The following MCPH1 variants were observed in gnomAD, a reference collection of about 807,000 sequenced individuals.
MCPH1 encodes the protein microcephalin 1.
MCPH1 carries 104 observed loss-of-function variants against 84.5 expected under a neutral mutation model. The observed-to-expected ratio is 1.23, with a 90% CI of 1.05 to 1.45. The LOEUF (loss-of-function observed/expected upper bound fraction) is 1.45. Ranked by LOEUF, MCPH1 falls within the 40% of genes most tolerant of loss-of-function variation. The pLI, the probability that MCPH1 is intolerant of heterozygous loss-of-function variation, is 0.00. For missense variants in MCPH1, 1,498 were observed against 1,005.7 expected (o/e 1.49, Z -6.62); for synonymous variants, 514 against 366.8 (o/e 1.40, Z -4.58).
intron 11 of MCPH1, among the ~76,000 whole-genome samples, chr8:6,481,854 C>G (rs949767684): frequency 6.6e-6 from 1 of 152,200 alleles, no homozygotes; most frequent in African/African-American, 2.4e-5. Context: ...TAGTGCCCCT[C>G]TCATCCAGGG....
In MCPH1 at chr8:6,647,994, T is replaced by C. The variant is rs981171759; in HGVS notation, c.*4945T>C. 6.6e-6 allele frequency: 1 copy of C among 152,206 alleles called. No individual in the cohort carries two copies. The highest frequency in any genetic ancestry group is 2.4e-5 in the African/African-American group (1 of 41,446). 9.4% of individuals were successfully genotyped at this position (152,206 alleles called of 1,614,324 possible). On this transcript the variant is annotated 3_prime_UTR_variant, in exon 14 of 14. Transcript: ENST00000344683. ...AGGGCAATAGCTCTCAGATCTCCCT[T>C]AGAGAAAGAACTTTCTCTTCCACAG...
rs1798107829 is a variant in MCPH1 at position 6,644,308 on chromosome 8, A to G, written c.*1259A>G. 6.6e-6 allele frequency: 1 copy of G among 152,112 alleles called. No individual in the cohort carries two copies. Among genetic ancestry groups the G allele is most frequent in the Admixed American group, 6.5e-5 (1 of 15,274 alleles). 9.4% of individuals were successfully genotyped at this position (152,112 alleles called of 1,614,324 possible). On this transcript the variant is annotated 3_prime_UTR_variant, in exon 14 of 14. Transcript: ENST00000344683. ...AATAAGAAACACTGATGTGTCTGTC[A>G]CCTTCTAAAGAAATGAAATGCTAGG...
chr8:6,579,003 T>A (rs771512566), intron 12 of MCPH1, among the ~76,000 whole-genome samples: 2 of 152,212 alleles, frequency 1.3e-5, no homozygotes, highest in Non-Finnish European at 2.9e-5. Context: ...CTGCATGATC[T>A]GGTCTGGGGA....
At chr8:6,593,015 TA>T (rs1345742552) in intron 12 of MCPH1, among the ~76,000 whole-genome samples, 5 of 151,704 alleles carry the variant, frequency 3.3e-5, no homozygotes, top group African/African-American at 1.2e-4. Context: ...CACAGAGCTT[TA>T]TTCCTGCCTC....
chr8:6,537,387 T>C (rs947376575), intron 12 of MCPH1, among the ~76,000 whole-genome samples: 3 of 152,100 alleles, frequency 2.0e-5, no homozygotes, highest in African/African-American at 4.8e-5. Flanking sequence ...AAGTGAGTTA[T>C]GCAAGTTTAA....
intron 11 of MCPH1, among the ~76,000 whole-genome samples, chr8:6,496,017 G>A (rs973374337): frequency 3.9e-5 from 6 of 152,188 alleles, no homozygotes; most frequent in Admixed American, 3.9e-4. Context: ...GAGGGTGAGG[G>A]AGGAATGGTT....
chr8:6,500,205 C>G (rs961703867), intron 12 of MCPH1: 4 of 431,066 alleles, frequency 9.3e-6, no homozygotes, highest in African/African-American at 8.0e-5. Context: ...TGAAAAAAGA[C>G]TGAATTCTTG....
intron 12 of MCPH1, among the ~76,000 whole-genome samples, chr8:6,598,717 G>A (rs971121891): frequency 2.0e-5 from 3 of 152,244 alleles, no homozygotes; most frequent in Admixed American, 1.3e-4. Context: ...GCCCTGTGTG[G>A]GTGAGGAAGC....
intron 8 of MCPH1, chr8:6,447,098 C>CA: frequency 5.1e-6 from 5 of 985,436 alleles, no homozygotes; most frequent in Non-Finnish European, 6.0e-6. Context: ...CATGCCATTA[C>CA]AGACAGACGG....
At chr8:6,411,072 G>A (rs1319405710) in intron 2 of MCPH1, among the ~76,000 whole-genome samples, 33 of 151,994 alleles carry the variant, frequency 2.2e-4, no homozygotes, top group Admixed American at 1.8e-3. Flanking sequence ...CCTGGGCGAC[G>A]GAGTAAGATT....
chr8:6,626,469 G>GTT (rs1181554445), intron 13 of MCPH1: 111 of 826,552 alleles, frequency 1.3e-4, no homozygotes, highest in East Asian at 9.8e-4. Flanking sequence ...TGGTTTTTTT[G>GTT]TTTTGTTTTT....
chr8:6,451,542 C>A (rs544502264), intron 8 of MCPH1, among the ~76,000 whole-genome samples: 1 of 137,074 alleles, frequency 7.3e-6, no homozygotes, highest in Non-Finnish European at 1.6e-5. Flanking sequence ...GATAAAATTC[C>A]GCATTATCTA....
At chr8:6,581,151 A>G (rs961486338) in intron 12 of MCPH1, among the ~76,000 whole-genome samples, 20 of 152,224 alleles carry the variant, frequency 1.3e-4, no homozygotes, top group African/African-American at 4.8e-4. Context: ...TTTGATATCC[A>G]AGGTGGGGGT....
chr8:6,407,641 C>T (rs1217482890), intron 1 of MCPH1, among the ~76,000 whole-genome samples: 1 of 152,200 alleles, frequency 6.6e-6, no homozygotes, highest in South Asian at 2.1e-4. Flanking sequence ...AGTCTGTAAT[C>T]AGATGTGGCT....
chr8:6,529,447 AT>A (rs1278781862), intron 12 of MCPH1, among the ~76,000 whole-genome samples: 13 of 142,926 alleles, frequency 9.1e-5, no homozygotes, highest in South Asian at 2.2e-4. Flanking sequence ...AAGCTCAGCC[AT>A]TTTTCTTTTT....
chr8:6,593,107 G>T (rs1828645541), intron 12 of MCPH1, among the ~76,000 whole-genome samples: 1 of 121,868 alleles, frequency 8.2e-6, no homozygotes, highest in Non-Finnish European at 1.6e-5. Context: ...TTTTTAGACA[G>T]AGTTTCGCTC....
At chr8:6,512,414 C>T (rs1815343331) in intron 12 of MCPH1, among the ~76,000 whole-genome samples, 1 of 152,148 alleles carries the variant, frequency 6.6e-6, no homozygotes, top group African/African-American at 2.4e-5. Context: ...GAAGACGAGA[C>T]TGTAGGTCAG....
intron 13 of MCPH1, among the ~76,000 whole-genome samples, chr8:6,634,360 G>T (rs934452394): frequency 1.3e-5 from 2 of 152,216 alleles, no homozygotes; most frequent in Non-Finnish European, 2.9e-5. Flanking sequence ...TATCGCTAAT[G>T]AAAATCTGAT....
intron 12 of MCPH1, among the ~76,000 whole-genome samples, chr8:6,605,159 C>G (rs532741376): frequency 2.6e-5 from 4 of 152,138 alleles, no homozygotes; most frequent in African/African-American, 9.7e-5. Flanking sequence ...TGACACCCAG[C>G]CCCGCTCTTG....
Sources: allele counts gnomAD v4.1 joint callset (sites outside exome capture counted in the v4.1 genomes callset), GRCh38; gene constraint gnomAD v4.1.1; transcripts MANE v1.5; gene names NCBI Gene and HGNC (gene_info 2026-07-23, HGNC 2026-07-21).